The following TNFSF4 variants were observed in gnomAD, a reference collection of about 807,000 sequenced individuals.
TNFSF4 encodes the protein TNF superfamily member 4.
In TNFSF4, 4 loss-of-function variants were observed where a neutral mutation model predicts 7.3. The observed-to-expected ratio is 0.55, with a 90% CI of 0.27 to 1.25. The LOEUF (loss-of-function observed/expected upper bound fraction) is 1.25. Ranked by LOEUF, TNFSF4 falls within the 50% of genes most tolerant of loss-of-function variation. TNFSF4 has a pLI of 0.12. For missense variants in TNFSF4, 181 were observed against 208.8 expected, an observed-to-expected ratio of 0.87 and a Z score of 0.82; for synonymous variants, 76 against 83.7, an observed-to-expected ratio of 0.91 and a Z score of 0.50.
chr1:173,243,225 G>A, the TNFSF4 span, among the ~76,000 whole-genome samples: 5 of 152,030 alleles, frequency 3.3e-5, no homozygotes, highest in African/African-American at 4.8e-5. Flanking sequence ...ATTCTTCCAC[G>A]TCCTACACAT....
the TNFSF4 span, among the ~76,000 whole-genome samples, chr1:173,387,986 A>G: frequency 4.6e-5 from 7 of 152,226 alleles, no homozygotes; most frequent in African/African-American, 1.7e-4. Context: ...TAATGGTTGC[A>G]TGATATATGA....
the TNFSF4 span, among the ~76,000 whole-genome samples, chr1:173,341,670 T>C: frequency 1.5e-3 from 236 of 152,340 alleles, 1 homozygote; most frequent in African/African-American, 5.3e-3. Flanking sequence ...TTCACAGAAC[T>C]GCTATGAGAT....
chr1:173,423,523 G>A, the TNFSF4 span, among the ~76,000 whole-genome samples: 1 of 152,156 alleles, frequency 6.6e-6, no homozygotes, highest in Non-Finnish European at 1.5e-5. Context: ...AGCCTGTGTG[G>A]ATGCCTTGTG....
the TNFSF4 span, among the ~76,000 whole-genome samples, chr1:173,366,519 AC>A: frequency 9.9e-5 from 15 of 152,216 alleles, 1 homozygote; most frequent in East Asian, 2.3e-3. Flanking sequence ...GTTAATGGGT[AC>A]AAAAAAAAAT....
chr1:173,201,901 G>T (rs1259564259), intron 1 of TNFSF4, among the ~76,000 whole-genome samples: 1 of 151,932 alleles, frequency 6.6e-6, no homozygotes, highest in African/African-American at 2.4e-5. Context: ...AACTCAGCTG[G>T]GTTATTTTTC....
chr1:173,326,380 G>C, the TNFSF4 span, among the ~76,000 whole-genome samples: 1 of 152,144 alleles, frequency 6.6e-6, no homozygotes, highest in Non-Finnish European at 1.5e-5. Context: ...AATAATAAGA[G>C]CTATCCATGA....
the TNFSF4 span, among the ~76,000 whole-genome samples, chr1:173,388,816 T>C: frequency 1.3e-5 from 2 of 152,266 alleles, no homozygotes; most frequent in Non-Finnish European, 2.9e-5. Context: ...CAATTTCTAA[T>C]ACAGTAAACA....
the TNFSF4 span, among the ~76,000 whole-genome samples, chr1:173,393,078 T>G: frequency 1.3e-5 from 2 of 152,084 alleles, no homozygotes; most frequent in African/African-American, 4.8e-5. Flanking sequence ...TGGGGGCCTA[T>G]ATGTAGGCTT....
the TNFSF4 span, among the ~76,000 whole-genome samples, chr1:173,318,567 C>T: frequency 6.6e-6 from 1 of 152,022 alleles, no homozygotes; most frequent in Non-Finnish European, 1.5e-5. Flanking sequence ...CAAATTTCAA[C>T]CTCATCAATA....
At chr1:173,267,317 C>T in the TNFSF4 span, among the ~76,000 whole-genome samples, 1 of 152,088 alleles carries the variant, frequency 6.6e-6, no homozygotes, top group Non-Finnish European at 1.5e-5. Context: ...CTAAACAAAA[C>T]ATATTTTCTC....
the TNFSF4 span, among the ~76,000 whole-genome samples, chr1:173,340,938 C>G: frequency 7.9e-5 from 12 of 152,204 alleles, no homozygotes; most frequent in African/African-American, 2.6e-4. Context: ...GGGAGGAACT[C>G]GATGGGAGGT....
chr1:173,286,289 C>T, the TNFSF4 span, among the ~76,000 whole-genome samples: 1 of 152,070 alleles, frequency 6.6e-6, no homozygotes, highest in East Asian at 1.9e-4. Context: ...ATGTAAGAGA[C>T]CTAGAAAAGC....
chr1:173,371,134 G>A, the TNFSF4 span, among the ~76,000 whole-genome samples: 1 of 152,170 alleles, frequency 6.6e-6, no homozygotes, highest in Non-Finnish European at 1.5e-5. Context: ...TGAGGGCCAG[G>A]AAATTGACTT....
the TNFSF4 span, among the ~76,000 whole-genome samples, chr1:173,429,560 C>T: frequency 6.6e-6 from 1 of 152,210 alleles, no homozygotes; most frequent in East Asian, 1.9e-4. Context: ...GAAACTGGTC[C>T]TCAAGAGACA....
chr1:173,191,183 C>T (rs1266730233), intron 1 of TNFSF4, among the ~76,000 whole-genome samples: 2 of 152,132 alleles, frequency 1.3e-5, no homozygotes, highest in Non-Finnish European at 2.9e-5. Context: ...ACCAAACAGA[C>T]ATTCTCTGGG....
chr1:173,263,271 A>G, the TNFSF4 span, among the ~76,000 whole-genome samples: 1 of 152,226 alleles, frequency 6.6e-6, no homozygotes, highest in Non-Finnish European at 1.5e-5. Context: ...TCACAGAATT[A>G]GAAAAAATTA....
At chr1:173,417,024 G>A in the TNFSF4 span, among the ~76,000 whole-genome samples, 1 of 152,202 alleles carries the variant, frequency 6.6e-6, no homozygotes, top group East Asian at 1.9e-4. Context: ...TTTAAAGACA[G>A]GGCAGTATTT....
chr1:173,261,009 T>C, the TNFSF4 span, among the ~76,000 whole-genome samples: 2 of 151,998 alleles, frequency 1.3e-5, no homozygotes, highest in Non-Finnish European at 2.9e-5. Context: ...GCTACAGAAC[T>C]CTCCACCCCA....
At chr1:173,444,269 AACACACACACAAAC>A in the TNFSF4 span, among the ~76,000 whole-genome samples, 7 of 152,210 alleles carry the variant, frequency 4.6e-5, no homozygotes, top group African/African-American at 1.7e-4. Context: ...GCAGCCTGCA[AACACACACACAAAC>A]ACACACACAC....
Sources: allele counts gnomAD v4.1 joint callset (sites outside exome capture counted in the v4.1 genomes callset), GRCh38; gene constraint gnomAD v4.1.1; transcripts MANE v1.5; gene names NCBI Gene and HGNC (gene_info 2026-07-23, HGNC 2026-07-21).